Variants in SRPK2 observed in about 807,000 individuals in gnomAD.
SRPK2 encodes SFRS protein kinase 2.
SRPK2 carries 21 observed loss-of-function variants against 90.8 expected under a neutral mutation model. The observed-to-expected ratio is 0.23, with a 90% CI of 0.16 to 0.33. SRPK2 has a LOEUF of 0.33. SRPK2 is among the 10% of genes least tolerant of loss of function. The probability of loss-of-function intolerance (pLI) is 1.00; values close to 1 mark genes in which losing one functional copy is unlikely to be tolerated. For missense variants in SRPK2, 620 were observed against 869.0 expected, an observed-to-expected ratio of 0.71 and a Z score of 3.60; for synonymous variants, 288 against 311.1, an observed-to-expected ratio of 0.93 and a Z score of 0.78.
chr7:105,285,597 G>A (rs1174222820), intron 2 of SRPK2, among the ~76,000 whole-genome samples: 3 of 152,126 alleles, frequency 2.0e-5, no homozygotes, highest in Non-Finnish European at 2.9e-5. Flanking sequence ...GGATCACGGG[G>A]ACTGGGATGG....
chr7:105,362,577 G>C (rs944485847), intron 2 of SRPK2, among the ~76,000 whole-genome samples: 40 of 151,868 alleles, frequency 2.6e-4, no homozygotes, highest in Admixed American at 2.0e-4. Flanking sequence ...GGAGAAATAG[G>C]AACACTTTTA....
rs182789849 is a variant in SRPK2, at chr7:105,183,577, C to T, written c.230-14312G>A. On this transcript the variant is annotated intron_variant, in intron 3 of 15. Transcript: ENST00000393651. ...TCCCAGATCACTGCAATCTCCACCT[C>T]CTAGGTTCAAGCCATTATCCTGCCT... Among the ~76,000 whole-genome samples, 5 of 152,292 alleles carry T rather than the reference C, an allele frequency of 3.3e-5. No homozygotes were observed. The East Asian group carries it at 9.6e-4, about 29-fold the overall frequency.
chr7:105,203,599 GC>G (rs1220473146), intron 3 of SRPK2, 28 bp downstream of exon 3: 4 of 1,460,576 alleles, frequency 2.7e-6, no homozygotes, highest in East Asian at 5.2e-5. Flanking sequence ...GGGAAGGCAA[GC>G]CCCACACCAC....
intron 2 of SRPK2, chr7:105,297,592 A>G (rs1332267089): frequency 7.7e-6 from 5 of 646,772 alleles, no homozygotes; most frequent in Non-Finnish European, 9.6e-6. Flanking sequence ...CCACGCTACA[A>G]TTACCTAAAA....
At chr7:105,332,327 A>T (rs898824423) in intron 2 of SRPK2, among the ~76,000 whole-genome samples, 3 of 152,238 alleles carry the variant, frequency 2.0e-5, no homozygotes, top group African/African-American at 7.2e-5. Context: ...GAAAATAATG[A>T]TAGAAACTAG....
chr7:105,314,071 G>C (rs577996013), intron 2 of SRPK2, among the ~76,000 whole-genome samples: 1 of 152,128 alleles, frequency 6.6e-6, no homozygotes, highest in African/African-American at 2.4e-5. Flanking sequence ...CCAGTTGGGC[G>C]TGGTGGTTCA....
chr7:105,126,527 T>C (rs965546912), intron 14 of SRPK2, among the ~76,000 whole-genome samples, 187 bp from the exon 15 acceptor site: 2 of 152,126 alleles, frequency 1.3e-5, no homozygotes, highest in African/African-American at 4.8e-5. Context: ...GCAGTAACAG[T>C]GACTGAGGCC....
At chr7:105,196,903 A>G (rs1215752300) in intron 3 of SRPK2, among the ~76,000 whole-genome samples, 1 of 151,980 alleles carries the variant, frequency 6.6e-6, no homozygotes, top group African/African-American at 2.4e-5. Flanking sequence ...TACAAAAATC[A>G]GCTGAGCATG....
chr7:105,339,435 T>G (rs1341240335), intron 2 of SRPK2, among the ~76,000 whole-genome samples: 1 of 152,176 alleles, frequency 6.6e-6, no homozygotes, highest in Non-Finnish European at 1.5e-5. Context: ...AAGAGACAAC[T>G]TCTCATCTTC....
At chr7:105,279,007 T>C (rs1165902053) in intron 2 of SRPK2, among the ~76,000 whole-genome samples, 5 of 152,280 alleles carry the variant, frequency 3.3e-5, no homozygotes, top group Non-Finnish European at 7.4e-5. Flanking sequence ...TTAAATAAAA[T>C]AGGCTTACTT....
chr7:105,120,699 A>G (rs1044555402), intron 15 of SRPK2, among the ~76,000 whole-genome samples: 5 of 152,184 alleles, frequency 3.3e-5, no homozygotes. Context: ...AAAAGTTTAT[A>G]ATATAATGCA....
intron 2 of SRPK2, among the ~76,000 whole-genome samples, chr7:105,234,654 C>G (rs1168461993): frequency 1.3e-5 from 2 of 152,122 alleles, no homozygotes; most frequent in Non-Finnish European, 2.9e-5. Flanking sequence ...AGCCCAGGAT[C>G]TTAAGCACTT....
Position 105,185,386 on chromosome 7 carries a change from C to T in SRPK2, c.230-16121G>A, listed in dbSNP as rs75232170. On this transcript the variant is annotated intron_variant, in intron 3 of 15. Coordinates refer to ENST00000393651, the MANE Select transcript of SRPK2 (RefSeq NM_182692.3). Reference sequence around the variant, plus strand: ...CTAAAAGCCCTAATTATCCACATTCCAACCTCAAAATATAACTAAAAAATT... The same window carrying T: ...CTAAAAGCCCTAATTATCCACATTCTAACCTCAAAATATAACTAAAAAATT... Among the ~76,000 whole-genome samples the T allele has an allele frequency of 3.2e-3, 490 of 152,028 alleles. 2 individuals carry two copies. The highest frequency in any genetic ancestry group is 0.025 in the East Asian group (129 of 5,178).
Position 105,150,114 on chromosome 7 carries a change from C to T in SRPK2, c.622-3456G>A, listed in dbSNP as rs188703054. Among the ~76,000 whole-genome samples, 3 of 151,840 alleles carry T rather than the reference C, an allele frequency of 2.0e-5. No homozygotes were observed. The East Asian group carries it at 5.8e-4, about 29-fold the overall frequency. On this transcript the variant is annotated intron_variant, in intron 7 of 15. Coordinates refer to ENST00000393651, the MANE Select transcript of SRPK2 (RefSeq NM_182692.3). ...TGATTTAATAAGATACTGACAAGTT[C>T]CTAGTAAGTACCAGTGAAGTAGATA...
rs146586347 is a variant in SRPK2 at position 105,312,232 on chromosome 7, G to A, written c.71+76416C>T. Among the ~76,000 whole-genome samples, 3 of 152,206 alleles carry A rather than the reference G, an allele frequency of 2.0e-5. No homozygotes were observed. The East Asian group carries it at 5.8e-4, about 29-fold the overall frequency. ...CAAGGTGGGGGGATCACAAGGTCAG[G>A]AGTTCGAGACCAGCCTGGACAATAT... On this transcript the variant is annotated intron_variant, in intron 2 of 15. Coordinates refer to ENST00000393651, the MANE Select transcript of SRPK2 (RefSeq NM_182692.3).
chr7:105,347,835 T>C (rs1365488239), intron 2 of SRPK2, among the ~76,000 whole-genome samples: 1 of 146,776 alleles, frequency 6.8e-6, no homozygotes, highest in African/African-American at 2.5e-5. Context: ...CCAGCCTGGG[T>C]GACAGGGCGA....
chr7:105,376,699 G>A (rs867044851), intron 2 of SRPK2, among the ~76,000 whole-genome samples: 10 of 151,178 alleles, frequency 6.6e-5, no homozygotes, highest in Non-Finnish European at 1.2e-4. Flanking sequence ...CACCACTCCC[G>A]GCTAATTTTT....
chr7:105,230,243 T>C (rs889891034), intron 2 of SRPK2, among the ~76,000 whole-genome samples: 2 of 152,252 alleles, frequency 1.3e-5, no homozygotes, highest in African/African-American at 2.4e-5. Context: ...GTGGAAGACT[T>C]TGACAGAGAT....
chr7:105,265,335 T>C lies in SRPK2; in HGVS notation c.72-61550A>G, dbSNP rs7783860. ...AGAGTGTTTTCATTGTATTAGGTATTGTAAGTAATCTAGAGATGTTTTAAA... is the reference window on the plus strand; with the variant it reads ...AGAGTGTTTTCATTGTATTAGGTATCGTAAGTAATCTAGAGATGTTTTAAA... On this transcript the variant is annotated intron_variant, in intron 2 of 15. Coordinates refer to ENST00000393651, the MANE Select transcript of SRPK2 (RefSeq NM_182692.3). Among the ~76,000 whole-genome samples, 1,179 of 152,320 alleles carry C rather than the reference T, an allele frequency of 7.7e-3. 10 individuals are homozygous for C. The highest frequency in any genetic ancestry group is 0.025 in the African/African-American group (1,019 of 41,574).
Sources: allele counts gnomAD v4.1 joint callset (sites outside exome capture counted in the v4.1 genomes callset), GRCh38; gene constraint gnomAD v4.1.1; transcripts MANE v1.5; gene names NCBI Gene and HGNC (gene_info 2026-07-23, HGNC 2026-07-21).